Variants in DOK6 observed in about 807,000 individuals in gnomAD.
DOK6 encodes the protein downstream of tyrosine kinase 6.
In DOK6, 22 loss-of-function variants were observed where a neutral mutation model predicts 44.0. The observed-to-expected ratio is 0.50, with a 90% CI of 0.36 to 0.71. DOK6 has a LOEUF of 0.71. Among genes scored for constraint, DOK6 ranks in the 30% least tolerant of loss-of-function variants. The pLI, the probability that DOK6 is intolerant of heterozygous loss-of-function variation, is 0.00. For missense variants in DOK6, 340 were observed against 416.4 expected (o/e 0.82, Z 1.60); for synonymous variants, 166 against 145.5 (o/e 1.14, Z -1.01).
intron 5 of DOK6, among the ~76,000 whole-genome samples, chr18:69,720,442 A>T (rs1157763970): frequency 6.6e-6 from 1 of 152,176 alleles, no homozygotes; most frequent in Non-Finnish European, 1.5e-5. Flanking sequence ...ATTTTCAAAA[A>T]ATTGCTCAGG....
chr18:69,451,096 A>G (rs1437596482), intron 1 of DOK6, among the ~76,000 whole-genome samples: 2 of 149,210 alleles, frequency 1.3e-5, no homozygotes, highest in Non-Finnish European at 3.0e-5. Context: ...AAATTCTCCA[A>G]TTAAAAGACA....
At chr18:69,552,948 A>C (rs1982601474) in intron 1 of DOK6, among the ~76,000 whole-genome samples, 1 of 152,258 alleles carries the variant, frequency 6.6e-6, no homozygotes, top group Non-Finnish European at 1.5e-5. Flanking sequence ...TGTCTATCAA[A>C]ATGCTAGCAA....
In DOK6 at chr18:69,571,358, A is replaced by G. The variant is rs547768971; in HGVS notation, c.174+6764A>G. Among the ~76,000 whole-genome samples, 117 of 152,198 alleles carry G rather than the reference A, an allele frequency of 7.7e-4. 1 individual carries two copies. Among genetic ancestry groups the G allele is most frequent in the Admixed American group, 1.4e-3 (21 of 15,282 alleles). On this transcript the variant is annotated intron_variant, in intron 2 of 7. Transcript: ENST00000382713. ...ACAACAACAAAAATATGAAAAATGTAAACAAAGAAGAAAATAGTTTATTTA... is the reference window on the plus strand; with the variant it reads ...ACAACAACAAAAATATGAAAAATGTGAACAAAGAAGAAAATAGTTTATTTA...
At chr18:69,537,213 A>G (rs1204915172) in intron 1 of DOK6, among the ~76,000 whole-genome samples, 4 of 152,078 alleles carry the variant, frequency 2.6e-5, no homozygotes, top group South Asian at 2.1e-4. Context: ...TTTTATAAAG[A>G]CTTTTGAACC....
intron 5 of DOK6, among the ~76,000 whole-genome samples, chr18:69,728,165 T>C (rs1307390070): frequency 6.6e-6 from 1 of 152,254 alleles, no homozygotes; most frequent in Non-Finnish European, 1.5e-5. Context: ...ATTGGAATTT[T>C]TGGATGGCCT....
At chr18:69,718,791 G>A (rs887768966) in intron 5 of DOK6, among the ~76,000 whole-genome samples, 2 of 151,866 alleles carry the variant, frequency 1.3e-5, no homozygotes, top group Non-Finnish European at 2.9e-5. Context: ...TTTGCCCCTA[G>A]TTTTTTTAAT....
intron 1 of DOK6, among the ~76,000 whole-genome samples, chr18:69,526,018 T>G (rs1981821329): frequency 6.6e-6 from 1 of 152,056 alleles, no homozygotes; most frequent in Admixed American, 6.6e-5. Flanking sequence ...ATATATTATT[T>G]TAAAATACAA....
chr18:69,513,657 A>G (rs1215826860), intron 1 of DOK6, among the ~76,000 whole-genome samples: 1 of 152,194 alleles, frequency 6.6e-6, no homozygotes, highest in Non-Finnish European at 1.5e-5. Context: ...TTTTTGGATA[A>G]TTGTGCATTA....
intron 1 of DOK6, among the ~76,000 whole-genome samples, chr18:69,522,837 G>A (rs1233636318): frequency 1.3e-5 from 2 of 151,992 alleles, no homozygotes; most frequent in South Asian, 2.1e-4. Flanking sequence ...ACAAATTATC[G>A]TTAAGTATGT....
intron 3 of DOK6, among the ~76,000 whole-genome samples, chr18:69,601,404 G>A (rs1331946270): frequency 6.6e-6 from 1 of 152,152 alleles, no homozygotes; most frequent in African/African-American, 2.4e-5. Context: ...TATCGATATT[G>A]ATCTATTAAT....
At chr18:69,516,552 CATTT>C (rs1392221827) in intron 1 of DOK6, among the ~76,000 whole-genome samples, 4 of 152,108 alleles carry the variant, frequency 2.6e-5, no homozygotes, top group African/African-American at 9.7e-5. Context: ...ACTAGGCAAA[CATTT>C]ATCTAAAGGC....
chr18:69,714,855 A>C (rs930589895), intron 5 of DOK6, among the ~76,000 whole-genome samples: 1 of 152,332 alleles, frequency 6.6e-6, no homozygotes, highest in African/African-American at 2.4e-5. Flanking sequence ...TTATACTTTC[A>C]TTGACTCAGA....
At chr18:69,747,364 T>A (rs1979019056) in intron 6 of DOK6, among the ~76,000 whole-genome samples, 1 of 152,170 alleles carries the variant, frequency 6.6e-6, no homozygotes, top group African/African-American at 2.4e-5. Flanking sequence ...TCAATGTTCA[T>A]CACAGGGGGA....
chr18:69,641,874 G>A (rs919408189), intron 3 of DOK6, among the ~76,000 whole-genome samples: 1 of 152,220 alleles, frequency 6.6e-6, no homozygotes, highest in Non-Finnish European at 1.5e-5. Flanking sequence ...TATCTGAGAT[G>A]TGAAACTGCA....
chr18:69,426,538 G>A (rs901924803), intron 1 of DOK6, among the ~76,000 whole-genome samples: 5 of 152,054 alleles, frequency 3.3e-5, no homozygotes, highest in Admixed American at 6.6e-5. Flanking sequence ...AGATATAAAC[G>A]ACTAAACTTT....
intron 1 of DOK6, among the ~76,000 whole-genome samples, chr18:69,539,584 A>T (rs1276283064): frequency 6.6e-6 from 1 of 151,624 alleles, no homozygotes; most frequent in Admixed American, 6.6e-5. Flanking sequence ...ATACATATGT[A>T]TCCTGGATAG....
chr18:69,842,952 G>C lies in DOK6; in HGVS notation c.*1569G>C, dbSNP rs554678448. Reference sequence around the variant, plus strand: ...CTATCCAAATTAGTCTGTTGAAAGGGTACCTTTTTTGCTGATCTCTGATGA... The same window carrying C: ...CTATCCAAATTAGTCTGTTGAAAGGCTACCTTTTTTGCTGATCTCTGATGA... On this transcript the variant is annotated 3_prime_UTR_variant, in exon 8 of 8. Coordinates refer to ENST00000382713, the MANE Select transcript of DOK6 (RefSeq NM_152721.6). 10 of 152,058 alleles carry C rather than the reference G, an allele frequency of 6.6e-5. No homozygotes were observed. The highest frequency in any genetic ancestry group is 2.4e-4 in the African/African-American group (10 of 41,470). The allele number at this position is 152,058 out of a possible 1,614,324, so 9.4% of individuals were successfully genotyped here.
chr18:69,416,253 A>G (rs1345969567), intron 1 of DOK6, among the ~76,000 whole-genome samples: 1 of 152,064 alleles, frequency 6.6e-6, no homozygotes, highest in African/African-American at 2.4e-5. Context: ...GGAGCAAGGA[A>G]CAAACATGTC....
intron 1 of DOK6, among the ~76,000 whole-genome samples, chr18:69,496,616 C>G (rs1468816652): frequency 2.0e-5 from 3 of 152,236 alleles, no homozygotes; most frequent in Non-Finnish European, 2.9e-5. Context: ...TGACTAATCT[C>G]CATTCATTCC....
Sources: gnomAD v4.1 joint callset for allele counts (sites outside exome capture counted in the v4.1 genomes callset) on GRCh38, gnomAD v4.1.1 for gene constraint, MANE v1.5 for transcripts, NCBI Gene and HGNC (gene_info 2026-07-23, HGNC 2026-07-21) for gene names.